The following CCDC126 variants were observed in gnomAD, a reference collection of about 807,000 sequenced individuals.
CCDC126 encodes the protein coiled-coil domain containing 126, also known as coiled-coil domain-containing protein 126.
A neutral mutation model predicts 11.7 loss-of-function variants in CCDC126; 5 were observed. The observed-to-expected ratio is 0.43, with a 90% CI of 0.22 to 0.90. The LOEUF (loss-of-function observed/expected upper bound fraction) is 0.90. Among genes scored for constraint, CCDC126 ranks in the 40% least tolerant of loss-of-function variants. The pLI is 0.27. For missense variants in CCDC126, 150 were observed against 163.1 expected, an observed-to-expected ratio of 0.92 and a Z score of 0.44; for synonymous variants, 60 against 61.9, an observed-to-expected ratio of 0.97 and a Z score of 0.14.
chr7:23,623,653 A>C (rs1214318791), intron 3 of CCDC126, among the ~76,000 whole-genome samples: 1 of 152,050 alleles, frequency 6.6e-6, no homozygotes, highest in African/African-American at 2.4e-5. Flanking sequence ...AGACAGGAAG[A>C]ATATGTTTTA....
chr7:23,639,478 T>A (rs1393546638), intron 3 of CCDC126, among the ~76,000 whole-genome samples: 1 of 152,206 alleles, frequency 6.6e-6, no homozygotes, highest in African/African-American at 2.4e-5. Flanking sequence ...GTGCTGGGAT[T>A]ACAGGCGTGA....
chr7:23,637,271 GC>G (rs773115176), intron 3 of CCDC126, among the ~76,000 whole-genome samples: 12,678 of 12,858 alleles, frequency 0.99, 6,320 homozygotes, highest in Middle Eastern at 1. Context: ...TCAGCCCCCC[GC>G]CCCGGCCAGC....
chr7:23,623,104 G>A (rs1389243361), intron 3 of CCDC126, among the ~76,000 whole-genome samples: 1 of 151,092 alleles, frequency 6.6e-6, no homozygotes, highest in Non-Finnish European at 1.5e-5. Context: ...CTCCCAACTG[G>A]CTGGGATTGC....
At chr7:23,639,851 G>T (rs1783322121) in intron 3 of CCDC126, among the ~76,000 whole-genome samples, 1 of 151,924 alleles carries the variant, frequency 6.6e-6, no homozygotes, top group African/African-American at 2.4e-5. Context: ...CTAAACAATT[G>T]TAAAATATCG....
chr7:23,643,194 A>T lies in CCDC126; in HGVS notation c.*79A>T. 8.1e-7 allele frequency: 1 copy of T among 1,237,758 alleles called. No homozygotes were observed. The highest frequency in any genetic ancestry group is 1.1e-6 in the Non-Finnish European group (1 of 884,072). The allele number at this position is 1,237,758 out of a possible 1,614,324, so 76.7% of individuals were successfully genotyped here. A position where few individuals can be genotyped will look rare whatever the true frequency, so the allele number is the denominator to read the frequency against. ...AGAAAAGCTTTATAATTGCTGGCTT[A>T]GGACAGAGCAATACTTTACAATAAA... On this transcript the variant is annotated 3_prime_UTR_variant, in exon 4 of 4. Transcript: ENST00000307471.
intron 2 of CCDC126, among the ~76,000 whole-genome samples, chr7:23,609,909 T>A (rs940497769): frequency 1.3e-5 from 2 of 152,166 alleles, no homozygotes; most frequent in Non-Finnish European, 2.9e-5. Context: ...TTAAGGATTA[T>A]TTTCAGTAAG....
intron 3 of CCDC126, among the ~76,000 whole-genome samples, chr7:23,639,343 C>T (rs1783313233): frequency 6.6e-6 from 1 of 152,086 alleles, no homozygotes; most frequent in Non-Finnish European, 1.5e-5. Context: ...AGACATGTGC[C>T]ATCACGCCTG....
rs1333563691 is a variant in CCDC126, at chr7:23,642,985, T to C, written c.293T>C (p.Val98Ala). 6 of 1,614,134 alleles carry C rather than the reference T, an allele frequency of 3.7e-6. No homozygotes were observed. Among genetic ancestry groups the C allele is most frequent in the Non-Finnish European group, 5.1e-6 (6 of 1,179,994 alleles). Residue 98 changes from valine (V) to alanine (A), a missense_variant, in exon 4 of 4, where the codon GTG becomes GCG. Val to Ala is a moderately conservative substitution (Grantham distance 64). Transcript: ENST00000307471. ...CTGGATGACATTTTGCAACGATTGG[T>C]GAAGCTGGAGAACAAAGTTGACTAT... ...VLLDDILQRLVKLENKVDYIV... is the reference protein window; with the variant it reads ...VLLDDILQRLAKLENKVDYIV...
At chr7:23,621,015 T>A (rs1019214368) in intron 3 of CCDC126, among the ~76,000 whole-genome samples, 32 of 152,274 alleles carry the variant, frequency 2.1e-4, no homozygotes, top group Admixed American at 5.2e-4. Flanking sequence ...GGTAGTGTGA[T>A]GCCTCCAGCT....
chr7:23,644,002 G>A lies in CCDC126; in HGVS notation c.*887G>A, dbSNP rs1309123310. The A allele has an allele frequency of 1.3e-5, 2 of 151,982 alleles. No homozygotes were observed. The highest frequency in any genetic ancestry group is 4.8e-5 in the African/African-American group (2 of 41,384). 9.4% of individuals were successfully genotyped at this position (151,982 alleles called of 1,614,324 possible). On this transcript the variant is annotated 3_prime_UTR_variant, in exon 4 of 4. Coordinates refer to ENST00000307471, the MANE Select transcript of CCDC126 (RefSeq NM_138771.4). ...GGTTAATTTTGCTTTTATTATATTGGTCTAGGAGGAAGGGACTTTGGAGAA... is the reference window on the plus strand; with the variant it reads ...GGTTAATTTTGCTTTTATTATATTGATCTAGGAGGAAGGGACTTTGGAGAA...
intron 3 of CCDC126, among the ~76,000 whole-genome samples, chr7:23,615,290 T>C (rs1782778511): frequency 6.6e-6 from 1 of 152,206 alleles, no homozygotes; most frequent in South Asian, 2.1e-4. Context: ...TTCCAACTCT[T>C]CTTCTGCAGG....
At chr7:23,626,350 A>T (rs2128019326) in intron 3 of CCDC126, among the ~76,000 whole-genome samples, 1 of 152,334 alleles carries the variant, frequency 6.6e-6, no homozygotes, top group East Asian at 1.9e-4. Flanking sequence ...ACATTTAGCC[A>T]TCTATAGAAA....
intron 2 of CCDC126, among the ~76,000 whole-genome samples, chr7:23,610,645 G>A (rs1281471303): frequency 6.6e-6 from 1 of 152,100 alleles, no homozygotes. Context: ...GCTTCCTAAG[G>A]TTACCTTATG....
chr7:23,612,724 T>C (rs1291785785), intron 3 of CCDC126, among the ~76,000 whole-genome samples: 1 of 152,096 alleles, frequency 6.6e-6, no homozygotes, highest in Non-Finnish European at 1.5e-5. Context: ...AATACCATTA[T>C]CACACCTAGT....
At chr7:23,631,343 G>A (rs1783109257) in intron 3 of CCDC126, among the ~76,000 whole-genome samples, 1 of 152,132 alleles carries the variant, frequency 6.6e-6, no homozygotes. Context: ...ATATCAAAAG[G>A]ATAATGAACA....
At chr7:23,632,525 A>G (rs987545984) in intron 3 of CCDC126, among the ~76,000 whole-genome samples, 1 of 152,254 alleles carries the variant, frequency 6.6e-6, no homozygotes, top group African/African-American at 2.4e-5. Flanking sequence ...CAACATAGGG[A>G]TCCTAGTGGT....
chr7:23,609,334 C>A (rs925484211), intron 2 of CCDC126, among the ~76,000 whole-genome samples: 1 of 152,080 alleles, frequency 6.6e-6, no homozygotes, highest in Non-Finnish European at 1.5e-5. Context: ...CAAGCATGCG[C>A]CACCACGTCC....
intron 3 of CCDC126, among the ~76,000 whole-genome samples, chr7:23,636,759 G>T (rs1206663351): frequency 7.4e-6 from 1 of 135,618 alleles, no homozygotes; most frequent in Non-Finnish European, 1.6e-5. Context: ...CACCCCGTCC[G>T]GGAGGGAGGT....
At chr7:23,602,485 CAG>C (rs1283894014) in intron 2 of CCDC126, among the ~76,000 whole-genome samples, 1 of 152,140 alleles carries the variant, frequency 6.6e-6, no homozygotes, top group African/African-American at 2.4e-5. Context: ...TTTCTTAAGA[CAG>C]GGGAACACAA....
Sources: gnomAD v4.1 joint callset for allele counts (sites outside exome capture counted in the v4.1 genomes callset) on GRCh38, gnomAD v4.1.1 for gene constraint, MANE v1.5 for transcripts, NCBI Gene and HGNC (gene_info 2026-07-23, HGNC 2026-07-21) for gene names.